Variants in FTO observed in about 807,000 individuals in gnomAD.
FTO encodes alpha-ketoglutarate-dependent dioxygenase FTO.
A neutral mutation model predicts 63.9 loss-of-function variants in FTO; 47 were observed. That is an observed-to-expected ratio of 0.74 (90% CI 0.58 to 0.94). FTO has a LOEUF of 0.94. Ranked by LOEUF, FTO falls within the 40% of genes least tolerant of loss-of-function variation. The pLI, the probability that FTO is intolerant of heterozygous loss-of-function variation, is 0.00. For missense variants in FTO, 562 were observed against 618.1 expected (o/e 0.91, Z 0.96); for synonymous variants, 207 against 224.4 (o/e 0.92, Z 0.69).
chr16:53,818,741 CT>C (rs1464828175), intron 2 of FTO, among the ~76,000 whole-genome samples: 1 of 148,474 alleles, frequency 6.7e-6, no homozygotes, highest in Non-Finnish European at 1.5e-5. Context: ...TTACTAATTT[CT>C]TCTATGAGTA....
At chr16:54,061,536 C>T (rs2085572202) in intron 8 of FTO, 1 of 151,896 alleles carries the variant, frequency 6.6e-6, no homozygotes, top group Admixed American at 6.6e-5. Flanking sequence ...TAAAAAAACT[C>T]AGACAGTGAG....
chr16:53,927,243 G>C (rs942934891), intron 7 of FTO, among the ~76,000 whole-genome samples: 1 of 152,060 alleles, frequency 6.6e-6, no homozygotes, highest in Non-Finnish European at 1.5e-5. Flanking sequence ...GAAGAGAGAA[G>C]AATCACAGGA....
intron 4 of FTO, among the ~76,000 whole-genome samples, chr16:53,856,539 CAGG>C (rs2080002643): frequency 6.6e-6 from 1 of 151,996 alleles, no homozygotes; most frequent in African/African-American, 2.4e-5. Context: ...CACTTGAGGT[CAGG>C]AGTTCGAGAC....
chr16:53,779,192 A>C (rs1180173194), intron 1 of FTO, among the ~76,000 whole-genome samples: 1 of 152,134 alleles, frequency 6.6e-6, no homozygotes, highest in Non-Finnish European at 1.5e-5. Flanking sequence ...TATAGCCTAG[A>C]CTTGAGGCAG....
At chr16:54,011,306 T>G (rs940168306) in intron 8 of FTO, among the ~76,000 whole-genome samples, 60 of 152,366 alleles carry the variant, frequency 3.9e-4, no homozygotes, top group African/African-American at 1.3e-3. Flanking sequence ...CTGATGACTT[T>G]CAGTTGCAAA....
intron 1 of FTO, among the ~76,000 whole-genome samples, chr16:53,708,181 C>T (rs2075673137): frequency 6.6e-6 from 1 of 152,140 alleles, no homozygotes; most frequent in Non-Finnish European, 1.5e-5. Context: ...GCCTGGCCAA[C>T]ATGGTGAAAC....
intron 1 of FTO, among the ~76,000 whole-genome samples, chr16:53,759,679 A>G (rs2077000774): frequency 7.7e-6 from 1 of 130,024 alleles, no homozygotes; most frequent in South Asian, 2.4e-4. Flanking sequence ...GGGTGACCGA[A>G]AAAGACTCCT....
intron 8 of FTO, among the ~76,000 whole-genome samples, chr16:53,959,150 C>G (rs548877185): frequency 6.6e-6 from 1 of 152,116 alleles, no homozygotes. Flanking sequence ...GAAAAGGGTA[C>G]GTGGAGCCAA....
In FTO at chr16:53,827,879, T is replaced by A. The variant is rs951526441; in HGVS notation, c.751+1388T>A. On this transcript the variant is annotated intron_variant, in intron 3 of 8. Coordinates refer to ENST00000471389, the MANE Select transcript of FTO (RefSeq NM_001080432.3). ...TGATGTGAACGAACAATGGAGTTAG[T>A]TTCTTTCTTAAGGAGACAACTCTCC... Among the ~76,000 whole-genome samples, 6 of 152,342 alleles carry A rather than the reference T, an allele frequency of 3.9e-5. No homozygotes were observed. In the East Asian group the frequency reaches 7.7e-4, roughly 20 times the overall value.
chr16:54,027,083 CAGAG>C (rs71668150), intron 8 of FTO, among the ~76,000 whole-genome samples: 20,421 of 151,722 alleles, frequency 0.13, 2,888 homozygotes, highest in African/African-American at 0.36. Context: ...GAGAGAGAGA[CAGAG>C]AGAGAGAAGA....
At chr16:53,922,261 C>T (rs2082024908) in intron 7 of FTO, among the ~76,000 whole-genome samples, 1 of 152,062 alleles carries the variant, frequency 6.6e-6, no homozygotes. Context: ...TTGGGTTGCT[C>T]ATCCTGAAAA....
intron 8 of FTO, among the ~76,000 whole-genome samples, chr16:53,954,185 A>G (rs2082866545): frequency 6.6e-6 from 1 of 152,218 alleles, no homozygotes; most frequent in South Asian, 2.1e-4. Flanking sequence ...AAAAGGGGAA[A>G]GGTGGATCTA....
intron 4 of FTO, among the ~76,000 whole-genome samples, chr16:53,846,209 T>G (rs1053827448): frequency 6.6e-6 from 1 of 152,122 alleles, no homozygotes; most frequent in Non-Finnish European, 1.5e-5. Flanking sequence ...TATGTGGGAA[T>G]GTTTTCAGTG....
chr16:53,775,545 C>A (rs2077439777), intron 1 of FTO, among the ~76,000 whole-genome samples: 1 of 152,160 alleles, frequency 6.6e-6, no homozygotes, highest in Non-Finnish European at 1.5e-5. Flanking sequence ...CCACTGTGCT[C>A]CTGTCCTTCT....
At chr16:53,807,879 G>A (rs2078413266) in intron 1 of FTO, among the ~76,000 whole-genome samples, 1 of 152,152 alleles carries the variant, frequency 6.6e-6, no homozygotes, top group Non-Finnish European at 1.5e-5. Flanking sequence ...AATATCATTG[G>A]TTCTTTCTAT....
rs1428396348 is a variant in FTO, at chr16:53,883,635, AC to A, written c.1119+3649del. 2.0e-3 allele frequency among the ~76,000 whole-genome samples: 272 copies of A among 138,596 alleles called. 13 individuals are homozygous for A. The highest frequency in any genetic ancestry group is 3.3e-3 in the African/African-American group (113 of 34,746). The allele number at this position is 138,596 out of a possible 152,430, so 90.9% of individuals were successfully genotyped here. ...GAAACTCTATCTCAAAAAAAAAAAA[AC>A]AAAAAAAAAAAAACAAATTTGTCTG... On this transcript the variant is annotated intron_variant, in intron 6 of 8. Coordinates refer to ENST00000471389, the MANE Select transcript of FTO (RefSeq NM_001080432.3).
At chr16:53,792,091 A>T (rs1001733811) in intron 1 of FTO, among the ~76,000 whole-genome samples, 381 of 152,020 alleles carry the variant, frequency 2.5e-3, no homozygotes, top group African/African-American at 7.8e-3. Flanking sequence ...AAAAAAAAAA[A>T]AATAAAAATA....
At chr16:54,065,308 C>T (rs1350173531) in intron 8 of FTO, among the ~76,000 whole-genome samples, 10 of 151,736 alleles carry the variant, frequency 6.6e-5, no homozygotes, top group Non-Finnish European at 1.0e-4. Context: ...GGACTACAGG[C>T]GCACACCATC....
At chr16:54,034,307 TA>T (rs1399989190) in intron 8 of FTO, among the ~76,000 whole-genome samples, 1 of 152,182 alleles carries the variant, frequency 6.6e-6, no homozygotes. Flanking sequence ...TTTTCCATTT[TA>T]AAACCAGTGT....
Sources: allele counts gnomAD v4.1 joint callset (sites outside exome capture counted in the v4.1 genomes callset), GRCh38; gene constraint gnomAD v4.1.1; transcripts MANE v1.5; gene names NCBI Gene and HGNC (gene_info 2026-07-23, HGNC 2026-07-21).